Variants in DAB1 observed in about 807,000 individuals in gnomAD.
The protein encoded by DAB1 is DAB adaptor protein 1.
Under a neutral mutation model 64.6 loss-of-function variants are expected in DAB1, and 15 were observed. That is an observed-to-expected ratio of 0.23 (90% CI 0.16 to 0.36). The LOEUF (loss-of-function observed/expected upper bound fraction) is 0.36. Ranked by LOEUF, DAB1 falls within the 10% of genes least tolerant of loss-of-function variation. The pLI, the probability that DAB1 is intolerant of heterozygous loss-of-function variation, is 1.00. For missense variants in DAB1, 596 were observed against 706.7 expected, an observed-to-expected ratio of 0.84 and a Z score of 1.78; for synonymous variants, 235 against 251.9, an observed-to-expected ratio of 0.93 and a Z score of 0.64.
At chr1:57,388,104 C>G (rs1341134774) in intron 1 of DAB1, among the ~76,000 whole-genome samples, 4 of 152,186 alleles carry the variant, frequency 2.6e-5, no homozygotes, top group African/African-American at 9.7e-5. Context: ...GTTAAGTACT[C>G]ATATTCTTGC....
At chr1:57,142,635 C>T (rs866188905) in intron 3 of DAB1, among the ~76,000 whole-genome samples, 16 of 135,866 alleles carry the variant, frequency 1.2e-4, no homozygotes, top group South Asian at 2.5e-4. Context: ...CACACATACA[C>T]ACACACACAC....
At chr1:57,397,982 CTG>C (rs1175107212) in intron 1 of DAB1, among the ~76,000 whole-genome samples, 2 of 152,196 alleles carry the variant, frequency 1.3e-5, no homozygotes, top group Middle Eastern at 3.2e-3. Flanking sequence ...TCTCTTGTCT[CTG>C]TGTTATCTGC....
At chr1:58,256,166 G>A (rs1036461275) in intron 4 of DAB1, among the ~76,000 whole-genome samples, 3 of 152,216 alleles carry the variant, frequency 2.0e-5, no homozygotes, top group African/African-American at 7.2e-5. Context: ...TCCCTCTCCA[G>A]TGCAAGTTTA....
intron 6 of DAB1, among the ~76,000 whole-genome samples, chr1:57,690,833 A>C (rs919801967): frequency 6.6e-6 from 1 of 152,178 alleles, no homozygotes; most frequent in Non-Finnish European, 1.5e-5. Flanking sequence ...TGGATAAAAA[A>C]CATTTTTAAC....
intron 6 of DAB1, among the ~76,000 whole-genome samples, chr1:57,773,872 C>T (rs758329719): frequency 6.6e-5 from 10 of 152,004 alleles, no homozygotes; most frequent in Non-Finnish European, 1.3e-4. Flanking sequence ...ATGCTTACAT[C>T]AATTCTATTA....
intron 4 of DAB1, among the ~76,000 whole-genome samples, chr1:58,178,817 C>G (rs950239898): frequency 3.3e-5 from 5 of 152,112 alleles, no homozygotes; most frequent in Non-Finnish European, 5.9e-5. Flanking sequence ...AAATTTAACC[C>G]TTGCCAATTC....
chr1:58,055,401 T>C (rs969944209), intron 5 of DAB1, among the ~76,000 whole-genome samples: 2 of 152,182 alleles, frequency 1.3e-5, no homozygotes, highest in African/African-American at 4.8e-5. Context: ...TGTGCTCACA[T>C]ATCACCTTCA....
At chr1:57,210,412 A>ATT (rs1665910737) in intron 2 of DAB1, among the ~76,000 whole-genome samples, 1 of 152,156 alleles carries the variant, frequency 6.6e-6, no homozygotes, top group Admixed American at 6.5e-5. Context: ...TGCATAAAAC[A>ATT]TTTCAGCCTG....
rs1411845625 is a variant in DAB1 at position 56,996,648 on chromosome 1, G to A, written c.*1496C>T. The A allele has an allele frequency of 5.2e-5, 8 of 152,434 alleles. No homozygotes were observed. Among genetic ancestry groups the A allele is most frequent in the African/African-American group, 1.9e-4 (8 of 41,504 alleles). The allele number at this position is 152,434 out of a possible 1,614,324, so 9.4% of individuals were successfully genotyped here. A position where few individuals can be genotyped will look rare whatever the true frequency, so the allele number is the denominator to read the frequency against. On this transcript the variant is annotated 3_prime_UTR_variant, in exon 15 of 15. Transcript: ENST00000371236. Reference sequence around the variant, plus strand: ...TGTTGCACGTAGGGTGGGGACTCTCGTGGAAAGGCTAGATGATGGAGTCAC... The same window carrying A: ...TGTTGCACGTAGGGTGGGGACTCTCATGGAAAGGCTAGATGATGGAGTCAC...
intron 5 of DAB1, among the ~76,000 whole-genome samples, chr1:58,023,768 C>G (rs922272521): frequency 5.9e-5 from 9 of 152,184 alleles, no homozygotes; most frequent in Non-Finnish European, 1.3e-4. Context: ...TTAACCATAT[C>G]AAACACATAA....
At chr1:57,472,285 AG>A (rs1181556585) in intron 7 of DAB1, among the ~76,000 whole-genome samples, 1 of 152,246 alleles carries the variant, frequency 6.6e-6, no homozygotes, top group East Asian at 1.9e-4. Context: ...AGACTCATGG[AG>A]GGTCATTCCA....
At chr1:57,897,980 C>A (rs1284329338) in intron 5 of DAB1, among the ~76,000 whole-genome samples, 3 of 152,096 alleles carry the variant, frequency 2.0e-5, no homozygotes, top group Non-Finnish European at 4.4e-5. Flanking sequence ...GACAATCTGA[C>A]AGCAGGTCCT....
chr1:58,480,205 C>T (rs1557433665), intron 3 of DAB1, among the ~76,000 whole-genome samples: 1 of 152,082 alleles, frequency 6.6e-6, no homozygotes, highest in Non-Finnish European at 1.5e-5. Flanking sequence ...GGGGACAGTG[C>T]CTTGCCTCAG....
At chr1:58,368,650 G>A (rs1198136472) in intron 3 of DAB1, among the ~76,000 whole-genome samples, 1 of 152,154 alleles carries the variant, frequency 6.6e-6, no homozygotes, top group Non-Finnish European at 1.5e-5. Flanking sequence ...GGGCAGCAAT[G>A]GGCCTGGGTA....
At chr1:58,110,290 G>A (rs970998912) in intron 5 of DAB1, among the ~76,000 whole-genome samples, 2 of 151,952 alleles carry the variant, frequency 1.3e-5, no homozygotes, top group South Asian at 2.1e-4. Flanking sequence ...TTTTACCTTA[G>A]TTCAAAGTGG....
chr1:57,996,597 T>C (rs1447835627), intron 5 of DAB1, among the ~76,000 whole-genome samples: 1 of 152,162 alleles, frequency 6.6e-6, no homozygotes, highest in East Asian at 1.9e-4. Flanking sequence ...GTCAAATCAC[T>C]TTGACAGCAT....
chr1:57,652,826 T>A (rs1320265581), intron 6 of DAB1, among the ~76,000 whole-genome samples: 4 of 152,212 alleles, frequency 2.6e-5, no homozygotes, highest in African/African-American at 9.6e-5. Flanking sequence ...AAACACTTAA[T>A]GAGTGTCTGA....
chr1:57,300,847 T>C (rs1167641613), intron 1 of DAB1, among the ~76,000 whole-genome samples: 2 of 152,188 alleles, frequency 1.3e-5, no homozygotes, highest in African/African-American at 4.8e-5. Flanking sequence ...TATTCCAAAA[T>C]GCATACATTG....
intron 3 of DAB1, among the ~76,000 whole-genome samples, chr1:58,477,359 G>T (rs1206244774): frequency 2.6e-5 from 4 of 152,090 alleles, no homozygotes; most frequent in Non-Finnish European, 4.4e-5. Flanking sequence ...AATTGTCAAG[G>T]AATCATCTTG....
Sources: gnomAD v4.1 joint callset for allele counts (sites outside exome capture counted in the v4.1 genomes callset) on GRCh38, gnomAD v4.1.1 for gene constraint, MANE v1.5 for transcripts, NCBI Gene and HGNC (gene_info 2026-07-23, HGNC 2026-07-21) for gene names.